XRN2: variants seen among roughly 807,000 people sequenced by gnomAD.
XRN2 encodes the protein DHM1-like protein.
In XRN2, 44 loss-of-function variants were observed where a neutral mutation model predicts 138.5. The ratio of observed to expected loss-of-function variants is 0.32; its 90% CI spans 0.25 to 0.41. The LOEUF (loss-of-function observed/expected upper bound fraction) is 0.41, where lower values mean the gene tolerates loss of function less well. XRN2 is among the 10% of genes least tolerant of loss of function. The pLI, the probability that XRN2 is intolerant of heterozygous loss-of-function variation, is 1.00. For missense variants in XRN2, 937 were observed against 1,169.3 expected (o/e 0.80, Z 2.90); for synonymous variants, 354 against 369.4 (o/e 0.96, Z 0.48).
intron 1 of XRN2, 35 bp from the exon 2 acceptor site, chr20:21,326,244 C>T: frequency 4.4e-6 from 7 of 1,599,252 alleles, no homozygotes; most frequent in Non-Finnish European, 6.0e-6. Flanking sequence ...TAGACTTGAA[C>T]AATCAAACTA....
At chr20:21,365,362 T>C (rs2038681334) in intron 24 of XRN2, 59 bp from the exon 25 acceptor site, 1 of 1,543,356 alleles carries the variant, frequency 6.5e-7, no homozygotes, top group African/African-American at 1.4e-5. Flanking sequence ...TACCTCAGTC[T>C]ACATGATAAG....
chr20:21,353,258 ATATATATC>A lies in XRN2; in HGVS notation c.1937-1529_1937-1522del, dbSNP rs1461772148. 6.8e-4 allele frequency among the ~76,000 whole-genome samples: 9 copies of A among 13,222 alleles called. 1 individual carries two copies. The highest frequency in any genetic ancestry group is 1.2e-3 in the Admixed American group (1 of 828). The allele number at this position is 13,222 out of a possible 152,430, so 8.7% of individuals were successfully genotyped here. A position where few individuals can be genotyped will look rare whatever the true frequency, so the allele number is the denominator to read the frequency against. On this transcript the variant is annotated intron_variant, in intron 20 of 29. Coordinates refer to ENST00000377191, the MANE Select transcript of XRN2 (RefSeq NM_012255.5). ...TATATATATATATATATATATATAT[ATATATATC>A]TCTTAAATGTAGTGGGTAGAAAACA... is the stretch of plus-strand genomic sequence containing the variant.
chr20:21,352,459 G>A (rs1400728992), intron 20 of XRN2, among the ~76,000 whole-genome samples: 3 of 151,914 alleles, frequency 2.0e-5, no homozygotes, highest in Non-Finnish European at 4.4e-5. Context: ...CTCCTGAGTA[G>A]CTGGGATTAC....
chr20:21,367,806 G>C (rs528292974), intron 26 of XRN2, among the ~76,000 whole-genome samples: 1 of 152,232 alleles, frequency 6.6e-6, no homozygotes, highest in South Asian at 2.1e-4. Context: ...TATTTCAACT[G>C]TTTTGGAAAG....
intron 16 of XRN2, among the ~76,000 whole-genome samples, chr20:21,345,214 T>C (rs1411974695): frequency 6.6e-6 from 1 of 152,232 alleles, no homozygotes; most frequent in Non-Finnish European, 1.5e-5. Context: ...TCAATACTAG[T>C]TTAATAGGTA....
chr20:21,348,080 T>A, intron 17 of XRN2, 66 bp from the exon 18 acceptor site: 1 of 1,453,294 alleles, frequency 6.9e-7, no homozygotes, highest in South Asian at 1.3e-5. Context: ...AATTTTTGTT[T>A]TTTTTAATTG....
chr20:21,371,643 A>G (rs2038763111), intron 27 of XRN2, among the ~76,000 whole-genome samples: 1 of 152,264 alleles, frequency 6.6e-6, no homozygotes, highest in South Asian at 2.1e-4. Context: ...AGCATATCCA[A>G]CATATTTTTA....
At chr20:21,375,340 C>A (rs1378385625) in intron 27 of XRN2, among the ~76,000 whole-genome samples, 2 of 151,336 alleles carry the variant, frequency 1.3e-5, no homozygotes, top group African/African-American at 4.9e-5. Context: ...TTATTCTCTT[C>A]TACTTTTTTG....
chr20:21,321,181 A>AT (rs894794852), intron 1 of XRN2, among the ~76,000 whole-genome samples: 2 of 150,646 alleles, frequency 1.3e-5, no homozygotes, highest in African/African-American at 4.9e-5. Context: ...CACCTGGCTA[A>AT]TTTTTTGTAG....
intron 1 of XRN2, chr20:21,303,791 C>G (rs951260452): frequency 1.8e-6 from 2 of 1,114,188 alleles, no homozygotes; most frequent in Non-Finnish European, 2.2e-6. Context: ...CTCTCCAGAC[C>G]GCGCATTTTG....
intron 17 of XRN2, among the ~76,000 whole-genome samples, chr20:21,347,275 T>C (rs2038448513): frequency 6.6e-6 from 1 of 152,238 alleles, no homozygotes; most frequent in South Asian, 2.1e-4. Context: ...CTTTTCATAA[T>C]ATAGTGATGA....
chr20:21,357,619 A>T, intron 23 of XRN2, 117 bp from the exon 24 acceptor site: 1 of 681,328 alleles, frequency 1.5e-6, no homozygotes, highest in Non-Finnish European at 2.3e-6. Context: ...TGTTTTTGTT[A>T]GTGCATTCTA....
intron 1 of XRN2, among the ~76,000 whole-genome samples, chr20:21,310,432 T>G (rs566833000): frequency 1.3e-5 from 2 of 152,350 alleles, no homozygotes; most frequent in East Asian, 1.9e-4. Flanking sequence ...ATTTTTCTGT[T>G]TCTCCTTTCA....
intron 16 of XRN2, among the ~76,000 whole-genome samples, chr20:21,346,059 A>C (rs1049975318): frequency 6.6e-6 from 1 of 152,236 alleles, no homozygotes; most frequent in Non-Finnish European, 1.5e-5. Context: ...AATATCTTCA[A>C]TATTTGAATC....
At chr20:21,330,197 C>G (rs189882574) in intron 4 of XRN2, among the ~76,000 whole-genome samples, 1 of 152,066 alleles carries the variant, frequency 6.6e-6, no homozygotes, top group Non-Finnish European at 1.5e-5. Flanking sequence ...ACAGGAGAAT[C>G]GCTTGAACCC....
chr20:21,338,137 A>G (rs1460903276), intron 13 of XRN2, among the ~76,000 whole-genome samples: 1 of 152,198 alleles, frequency 6.6e-6, no homozygotes, highest in Non-Finnish European at 1.5e-5. Flanking sequence ...TGCAGTTGGT[A>G]GGACTGACTT....
chr20:21,373,476 A>T (rs1222309066), intron 27 of XRN2, among the ~76,000 whole-genome samples: 1 of 152,196 alleles, frequency 6.6e-6, no homozygotes, highest in Non-Finnish European at 1.5e-5. Context: ...ATGGATATGT[A>T]CTCCATAGGA....
chr20:21,346,939 A>G (rs998990140), intron 17 of XRN2, among the ~76,000 whole-genome samples: 4 of 152,248 alleles, frequency 2.6e-5, no homozygotes, highest in African/African-American at 4.8e-5. Flanking sequence ...TAATAATAGT[A>G]TTATTGAGCT....
chr20:21,306,134 G>GTT (rs1474114399), intron 1 of XRN2, among the ~76,000 whole-genome samples: 2 of 66,952 alleles, frequency 3.0e-5, no homozygotes, highest in African/African-American at 4.1e-5. Flanking sequence ...AATTCGAGGT[G>GTT]TTTTTTTTTT....
Sources: gnomAD v4.1 joint callset for allele counts (sites outside exome capture counted in the v4.1 genomes callset) on GRCh38, gnomAD v4.1.1 for gene constraint, MANE v1.5 for transcripts, NCBI Gene and HGNC (gene_info 2026-07-23, HGNC 2026-07-21) for gene names.